CDH4: variants seen among roughly 807,000 people sequenced by gnomAD.
CDH4 encodes cadherin-4.
Under a neutral mutation model 86.0 loss-of-function variants are expected in CDH4, and 33 were observed. That is an observed-to-expected ratio of 0.38 (90% CI 0.29 to 0.51). The LOEUF (loss-of-function observed/expected upper bound fraction) is 0.51, where lower values mean the gene tolerates loss of function less well. Ranked by LOEUF, CDH4 falls within the 20% of genes least tolerant of loss-of-function variation. The pLI, the probability that CDH4 is intolerant of heterozygous loss-of-function variation, is 0.86. For synonymous variants in CDH4, 555 were observed against 549.4 expected (o/e 1.01, Z -0.14); for missense variants, 1,114 against 1,307.4 (o/e 0.85, Z 2.28).
intron 2 of CDH4, among the ~76,000 whole-genome samples, chr20:61,730,007 G>A (rs755790114): frequency 6.6e-6 from 1 of 152,170 alleles, no homozygotes; most frequent in South Asian, 2.1e-4. Context: ...TTGGTTTTCA[G>A]AGCAGTTTTA....
At chr20:61,731,154 G>A (rs375829210) in intron 2 of CDH4, among the ~76,000 whole-genome samples, 66 of 152,144 alleles carry the variant, frequency 4.3e-4, no homozygotes, top group African/African-American at 1.3e-3. Context: ...GAGGGCGTCC[G>A]AGTCCCCCCC....
intron 2 of CDH4, among the ~76,000 whole-genome samples, chr20:61,268,606 T>A (rs2084168830): frequency 6.6e-6 from 1 of 152,176 alleles, no homozygotes; most frequent in Non-Finnish European, 1.5e-5. Context: ...TCATGAGTGG[T>A]TTGGTGCTGC....
chr20:61,289,479 G>A (rs567587803), intron 2 of CDH4, among the ~76,000 whole-genome samples: 6 of 152,204 alleles, frequency 3.9e-5, no homozygotes, highest in Admixed American at 1.3e-4. Context: ...ACGGGGTGTC[G>A]CCAGCCTGCA....
intron 3 of CDH4, among the ~76,000 whole-genome samples, chr20:61,764,024 C>G (rs547708264): frequency 1.3e-5 from 2 of 152,272 alleles, no homozygotes; most frequent in East Asian, 3.9e-4. Flanking sequence ...GGGAAATGAT[C>G]CGAGTTTTGC....
At chr20:61,805,538 C>T (rs567700879) in intron 4 of CDH4, among the ~76,000 whole-genome samples, 1 of 152,318 alleles carries the variant, frequency 6.6e-6, no homozygotes, top group East Asian at 1.9e-4. Flanking sequence ...CGCCCTCCTG[C>T]GAGGAAACAC....
rs1262307466 is a variant in CDH4 at position 61,653,750 on chromosome 20, C to T, written c.170-89813C>T. ...GGCGCTCCTCACATCCCAGACGGGG[C>T]GGCGGGGCAGAGGCGCTCCCCACAT... On this transcript the variant is annotated intron_variant, in intron 2 of 15. Coordinates refer to ENST00000614565, the MANE Select transcript of CDH4 (RefSeq NM_001794.5). Among the ~76,000 whole-genome samples the T allele has an allele frequency of 9.7e-5, 10 of 102,840 alleles. 3 individuals carry two copies. Among genetic ancestry groups the T allele is most frequent in the East Asian group, 5.2e-4 (2 of 3,860 alleles). The allele number at this position is 102,840 out of a possible 152,430, so 67.5% of individuals were successfully genotyped here.
At chr20:61,333,786 T>G (rs1244599353) in intron 2 of CDH4, among the ~76,000 whole-genome samples, 2 of 152,238 alleles carry the variant, frequency 1.3e-5, no homozygotes, top group African/African-American at 4.8e-5. Flanking sequence ...AATTAACCCC[T>G]GGGCTGTCTG....
Position 61,565,363 on chromosome 20 carries a change from A to C in CDH4, c.170-178200A>C, listed in dbSNP as rs62199241. Among the ~76,000 whole-genome samples, 31 of 15,516 alleles carry C rather than the reference A, an allele frequency of 2.0e-3. 5 individuals are homozygous for C. Among genetic ancestry groups the C allele is most frequent in the African/African-American group, 8.9e-3 (22 of 2,462 alleles). 10.2% of individuals were successfully genotyped at this position (15,516 alleles called of 152,430 possible). Reference sequence around the variant, plus strand: ...TAGTGGTCCTCTTGGTGATGGGGTGATGGTGGTGGTGGTCCTCTTGGTGAT... The same window carrying C: ...TAGTGGTCCTCTTGGTGATGGGGTGCTGGTGGTGGTGGTCCTCTTGGTGAT... On this transcript the variant is annotated intron_variant, in intron 2 of 15. Transcript: ENST00000614565.
intron 2 of CDH4, among the ~76,000 whole-genome samples, chr20:61,620,842 G>A (rs892079264): frequency 2.6e-5 from 4 of 152,110 alleles, no homozygotes; most frequent in East Asian, 1.9e-4. Context: ...ATGCCATCCC[G>A]GTTATCAAAC....
intron 2 of CDH4, among the ~76,000 whole-genome samples, chr20:61,430,131 G>T (rs1226351417): frequency 1.3e-5 from 2 of 152,212 alleles, no homozygotes; most frequent in African/African-American, 4.8e-5. Context: ...CCACAACAGA[G>T]AGGCAAAGAC....
chr20:61,661,711 G>T (rs946892804), intron 2 of CDH4, among the ~76,000 whole-genome samples: 4 of 152,088 alleles, frequency 2.6e-5, no homozygotes, highest in Admixed American at 2.0e-4. Context: ...TTGTTGCAAA[G>T]ACGTCACAGC....
chr20:61,678,300 TGGATGGATGGAC>T (rs1182723373), intron 2 of CDH4, among the ~76,000 whole-genome samples: 3 of 151,572 alleles, frequency 2.0e-5, no homozygotes, highest in Non-Finnish European at 2.9e-5. Context: ...GATGGATGGG[TGGATGGATGGAC>T]GGATGGATGG....
intron 2 of CDH4, among the ~76,000 whole-genome samples, chr20:61,717,215 C>T (rs1384308637): frequency 6.6e-6 from 1 of 152,212 alleles, no homozygotes; most frequent in East Asian, 1.9e-4. Flanking sequence ...GCTGCTGTCA[C>T]AGGACAAAGG....
At chr20:61,680,098 C>T (rs1482682340) in intron 2 of CDH4, among the ~76,000 whole-genome samples, 1 of 152,194 alleles carries the variant, frequency 6.6e-6, no homozygotes, top group Non-Finnish European at 1.5e-5. Context: ...AGGGCTGCAC[C>T]CTGCATCCTG....
intron 2 of CDH4, among the ~76,000 whole-genome samples, chr20:61,613,596 GAA>G (rs5842359): frequency 0.02 from 2,643 of 134,082 alleles, 32 homozygotes; most frequent in Middle Eastern, 0.033. Flanking sequence ...GGCTTCAAAA[GAA>G]AAAAAAAAAA....
intron 13 of CDH4, among the ~76,000 whole-genome samples, chr20:61,931,369 C>A (rs2055106887): frequency 6.6e-6 from 1 of 152,250 alleles, no homozygotes. Flanking sequence ...GTCACCTCAC[C>A]CTCTGCAGGC....
At chr20:61,336,587 T>C (rs1169984333) in intron 2 of CDH4, among the ~76,000 whole-genome samples, 1 of 152,202 alleles carries the variant, frequency 6.6e-6, no homozygotes, top group South Asian at 2.1e-4. Flanking sequence ...CAAGCCTGTG[T>C]GCAGAGCAGG....
intron 5 of CDH4, among the ~76,000 whole-genome samples, chr20:61,845,440 C>G (rs866884290): frequency 6.6e-6 from 1 of 152,142 alleles, no homozygotes; most frequent in African/African-American, 2.4e-5. Context: ...CCTCCCGGGC[C>G]GAACTGACCC....
At chr20:61,495,683 G>A (rs1892333) in intron 2 of CDH4, among the ~76,000 whole-genome samples, 4 of 151,748 alleles carry the variant, frequency 2.6e-5, no homozygotes, top group East Asian at 2.0e-4. Context: ...CAGGTGGATC[G>A]CCTAAGGTCA....
Sources: gnomAD v4.1 joint callset for allele counts (sites outside exome capture counted in the v4.1 genomes callset) on GRCh38, gnomAD v4.1.1 for gene constraint, MANE v1.5 for transcripts, NCBI Gene and HGNC (gene_info 2026-07-23, HGNC 2026-07-21) for gene names.